Variants in MRE11 observed in about 807,000 individuals in gnomAD.
The protein encoded by MRE11 is double-strand break repair protein MRE11.
In MRE11, 62 loss-of-function variants were observed where a neutral mutation model predicts 91.7. The ratio of observed to expected loss-of-function variants is 0.68; its 90% CI spans 0.55 to 0.84. The LOEUF (loss-of-function observed/expected upper bound fraction) is 0.84, where lower values mean the gene tolerates loss of function less well. Among genes scored for constraint, MRE11 ranks in the 40% least tolerant of loss-of-function variants. The pLI, the probability that MRE11 is intolerant of heterozygous loss-of-function variation, is 0.00. For synonymous variants in MRE11, 273 were observed against 271.4 expected (o/e 1.01, Z -0.06); for missense variants, 796 against 852.9 (o/e 0.93, Z 0.83).
At chr11:94,504,571 T>C in the MRE11 span, among the ~76,000 whole-genome samples, 1 of 152,210 alleles carries the variant, frequency 6.6e-6, no homozygotes, top group East Asian at 1.9e-4. Flanking sequence ...AAGAAGGATT[T>C]GGTTGGCTTT....
At chr11:94,490,045 G>C (rs1947246498) in intron 3 of MRE11, among the ~76,000 whole-genome samples, 1 of 151,908 alleles carries the variant, frequency 6.6e-6, no homozygotes, top group African/African-American at 2.4e-5. Context: ...CCATCCCTAA[G>C]GTCAATACTT....
At chr11:94,466,943 T>C (rs1352373672) in intron 10 of MRE11, among the ~76,000 whole-genome samples, 1 of 152,138 alleles carries the variant, frequency 6.6e-6, no homozygotes, top group East Asian at 1.9e-4. Context: ...TAAAGCTGTA[T>C]GCCTACACTG....
At chr11:94,441,230 CTT>C (rs1945771717) in intron 16 of MRE11, among the ~76,000 whole-genome samples, 1 of 152,176 alleles carries the variant, frequency 6.6e-6, no homozygotes, top group Non-Finnish European at 1.5e-5. Flanking sequence ...TAAAAAGTCA[CTT>C]TCTTTATACC....
chr11:94,433,274 T>C (rs584707), intron 18 of MRE11, among the ~76,000 whole-genome samples: 37,034 of 152,148 alleles, frequency 0.24, 4,724 homozygotes, highest in East Asian at 0.32. Flanking sequence ...CCTTTGTAAA[T>C]GTAAATCACA....
chr11:94,485,228 T>G (rs1368027400), intron 4 of MRE11, among the ~76,000 whole-genome samples: 5 of 150,974 alleles, frequency 3.3e-5, no homozygotes, highest in Non-Finnish European at 7.4e-5. Context: ...TACTCCAGCC[T>G]GGGCAACAGA....
At position 94,464,147 on chromosome 11, in the gene MRE11, A is replaced by G. The variant is rs759856523; in HGVS notation, c.1191T>C (p.His397=). 45 of 1,613,808 alleles carry G rather than the reference A, an allele frequency of 2.8e-5. No homozygotes were observed. The highest frequency in any genetic ancestry group is 3.5e-5 in the Non-Finnish European group (41 of 1,179,928). The change falls in exon 11 of 20, where the codon CAT becomes CAC. Residue 397 remains histidine, a synonymous_variant. Coordinates refer to ENST00000323929, the MANE Select transcript of MRE11 (RefSeq NM_005591.4). ...DRVANPKDII[H]FFRHREQKEK... ...CCTTTTGTTCTCTATGCCTGAAAAAATGGATAATGTCTTTTGGATTAGCTA... is the reference window on the plus strand; with the variant it reads ...CCTTTTGTTCTCTATGCCTGAAAAAGTGGATAATGTCTTTTGGATTAGCTA...
chr11:94,475,750 T>A, intron 7 of MRE11: 1 of 392,624 alleles, frequency 2.5e-6, no homozygotes, highest in Non-Finnish European at 5.0e-6. Context: ...ACAGCAAGGT[T>A]TATAAAAGCA....
chr11:94,419,971 G>T lies in MRE11; in HGVS notation c.*154C>A. The stretch of plus-strand genomic sequence containing the variant: ...AACAACCAGGTTAAAAAAACAAGGT[G>T]AATCAATGCTATTGTATGTCTGTGA... On this transcript the variant is annotated 3_prime_UTR_variant, in exon 20 of 20. Transcript: ENST00000323929. The T allele has an allele frequency of 1.8e-6, 1 of 549,136 alleles. No homozygotes were observed. The allele number at this position is 549,136 out of a possible 1,614,324, so 34.0% of individuals were successfully genotyped here. A position where few individuals can be genotyped will look rare whatever the true frequency, so the allele number is the denominator to read the frequency against.
chr11:94,470,360 T>A, intron 9 of MRE11, 111 bp downstream of exon 9: 1 of 1,102,094 alleles, frequency 9.1e-7, no homozygotes, highest in South Asian at 1.4e-5. Flanking sequence ...ACAGGCTTCA[T>A]GAGAATGTAA....
chr11:94,466,660 C>CGACCACCGAGA, intron 10 of MRE11: 1 of 320,846 alleles, frequency 3.1e-6, no homozygotes. Context: ...GGAAGTCTGG[C>CGACCACCGAGA]TCTACACTGT....
At position 94,457,913 on chromosome 11, in the gene MRE11, A is replaced by ACACACC. The variant is rs1555008814; in HGVS notation, c.1500+1494_1500+1495insGGTGTG. ...CACACACACACACACACACACACAC[A>ACACACC]CCCCACACAGACTTTGCTGCTCAGG... On this transcript the variant is annotated intron_variant, in intron 13 of 19. Transcript: ENST00000323929. Among the ~76,000 whole-genome samples the ACACACC allele has an allele frequency of 4.4e-4, 65 of 146,706 alleles. 1 individual carries two copies. Among genetic ancestry groups the ACACACC allele is most frequent in the South Asian group, 3.8e-3 (17 of 4,532 alleles).
At chr11:94,452,011 G>C (rs1292120642) in intron 14 of MRE11, among the ~76,000 whole-genome samples, 1 of 151,986 alleles carries the variant, frequency 6.6e-6, no homozygotes, top group Non-Finnish European at 1.5e-5. Flanking sequence ...TTTGAGACCA[G>C]CCTGACCACC....
intron 14 of MRE11, among the ~76,000 whole-genome samples, chr11:94,452,710 A>C (rs1488896539): frequency 6.6e-6 from 1 of 152,182 alleles, no homozygotes; most frequent in Non-Finnish European, 1.5e-5. Context: ...GGAATGTATT[A>C]CTTCTAAGAG....
the MRE11 span, among the ~76,000 whole-genome samples, chr11:94,508,749 C>T: frequency 6.6e-6 from 1 of 151,622 alleles, no homozygotes; most frequent in East Asian, 1.9e-4. Context: ...CCAGTCTTGG[C>T]CCACTACATT....
At position 94,423,945 on chromosome 11, in the gene MRE11, C is replaced by T. The variant is rs144738868; in HGVS notation, c.2071-3764G>A. Among the ~76,000 whole-genome samples, 3 of 152,312 alleles carry T rather than the reference C, an allele frequency of 2.0e-5. 1 individual carries two copies. Among genetic ancestry groups the T allele is most frequent in the Non-Finnish European group, 4.4e-5 (3 of 68,026 alleles). ...GTGCAGGAATGGGACATGCCTTCCTCCACAGTGCTGGTCTGGGAAGGGTGT... is the reference window on the plus strand; with the variant it reads ...GTGCAGGAATGGGACATGCCTTCCTTCACAGTGCTGGTCTGGGAAGGGTGT... On this transcript the variant is annotated intron_variant, in intron 19 of 19. Transcript: ENST00000323929.
chr11:94,470,676 T>G (rs1946683890), intron 8 of MRE11, 34 bp from the exon 9 acceptor site: 1 of 1,609,734 alleles, frequency 6.2e-7, no homozygotes, highest in African/African-American at 1.3e-5. Flanking sequence ...CGAGTCACAG[T>G]GTAAATTTCC....
In MRE11 at chr11:94,417,463, T is replaced by C. The variant is rs13447759; in HGVS notation, c.*2662A>G. ...CATGATTAGAAGGCTAATTATGGTA[T>C]TACTGCATAGGTTTAGTATTAATGC... On this transcript the variant is annotated 3_prime_UTR_variant, in exon 20 of 20. Transcript: ENST00000323929. The C allele has an allele frequency of 2.7e-3, 638 of 232,998 alleles. 3 individuals are homozygous for C. The highest frequency in any genetic ancestry group is 0.013 in the African/African-American group (573 of 45,464). The allele number at this position is 232,998 out of a possible 1,614,324, so 14.4% of individuals were successfully genotyped here.
At chr11:94,446,966 C>G (rs1166376337) in intron 15 of MRE11, among the ~76,000 whole-genome samples, 2 of 152,168 alleles carry the variant, frequency 1.3e-5, no homozygotes, top group African/African-American at 4.8e-5. Flanking sequence ...GTGACAAACA[C>G]AGTGAAGCTT....
intron 15 of MRE11, among the ~76,000 whole-genome samples, chr11:94,446,196 T>G (rs1235755143): frequency 6.6e-6 from 1 of 152,126 alleles, no homozygotes; most frequent in Non-Finnish European, 1.5e-5. Context: ...TCACTTGAGG[T>G]CAAGAGTTCA....
Sources: allele counts gnomAD v4.1 joint callset (sites outside exome capture counted in the v4.1 genomes callset), GRCh38; gene constraint gnomAD v4.1.1; transcripts MANE v1.5; gene names NCBI Gene and HGNC (gene_info 2026-07-23, HGNC 2026-07-21).